Variants in FER observed in about 807,000 individuals in gnomAD.
The protein encoded by FER is tyrosine-protein kinase Fer.
FER carries 63 observed loss-of-function variants against 111.0 expected under a neutral mutation model. The observed-to-expected ratio is 0.57, with a 90% confidence interval of 0.46 to 0.70. FER has a LOEUF of 0.70. FER is among the 30% of genes least tolerant of loss of function. FER has a pLI of 0.00. For synonymous variants in FER, 327 were observed against 313.9 expected (o/e 1.04, Z -0.44); for missense variants, 914 against 954.0 (o/e 0.96, Z 0.55).
rs901846415 is a variant in FER, at chr5:108,938,039, C to G, written c.1237-8091C>G. Among the ~76,000 whole-genome samples, 9 of 111,186 alleles carry G rather than the reference C, an allele frequency of 8.1e-5. No individual in the cohort carries two copies. The East Asian group carries it at 1.4e-3, about 17-fold the overall frequency. 72.9% of individuals were successfully genotyped at this position (111,186 alleles called of 152,430 possible). A position where few individuals can be genotyped will look rare whatever the true frequency, so the allele number is the denominator to read the frequency against. ...CCTATCTCTCTCTCACACACACACACACACACACACACACACACACACACA... is the reference window on the plus strand; with the variant it reads ...CCTATCTCTCTCTCACACACACACAGACACACACACACACACACACACACA... On this transcript the variant is annotated intron_variant, in intron 10 of 19. Transcript: ENST00000281092.
At chr5:109,030,693 A>C (rs893222420) in intron 13 of FER, among the ~76,000 whole-genome samples, 1 of 152,026 alleles carries the variant, frequency 6.6e-6, no homozygotes, top group Non-Finnish European at 1.5e-5. Flanking sequence ...TGTTTGGTAG[A>C]CTTCTCCTGC....
intron 17 of FER, among the ~76,000 whole-genome samples, chr5:109,125,216 A>G (rs1751559184): frequency 6.6e-6 from 1 of 152,058 alleles, no homozygotes; most frequent in African/African-American, 2.4e-5. Flanking sequence ...TTATATACAT[A>G]CATTAGAACT....
At chr5:108,792,136 T>G (rs1755447543) in intron 2 of FER, among the ~76,000 whole-genome samples, 1 of 152,252 alleles carries the variant, frequency 6.6e-6, no homozygotes, top group African/African-American at 2.4e-5. Flanking sequence ...ACTTCGTGCC[T>G]CTTTTCAAGT....
At chr5:108,920,919 C>G (rs1752936442) in intron 10 of FER, among the ~76,000 whole-genome samples, 1 of 152,112 alleles carries the variant, frequency 6.6e-6, no homozygotes, top group Non-Finnish European at 1.5e-5. Flanking sequence ...TTATTTCCTA[C>G]CAGTCCTCAT....
intron 13 of FER, among the ~76,000 whole-genome samples, chr5:109,019,962 A>G (rs536019429): frequency 6.6e-6 from 1 of 152,014 alleles, no homozygotes; most frequent in Non-Finnish European, 1.5e-5. Context: ...GTACTTTGCA[A>G]TTTGTTTCTT....
At chr5:109,060,551 G>A (rs1004574013) in intron 16 of FER, among the ~76,000 whole-genome samples, 12 of 152,184 alleles carry the variant, frequency 7.9e-5, no homozygotes, top group Middle Eastern at 6.8e-3. Context: ...GGGCGTGGTG[G>A]TGTGTGCCTG....
chr5:108,930,087 T>G (rs904542890), intron 10 of FER, among the ~76,000 whole-genome samples: 20 of 152,132 alleles, frequency 1.3e-4, no homozygotes, highest in African/African-American at 4.3e-4. Context: ...TTTGTTTGAA[T>G]CTATGTATGA....
intron 13 of FER, among the ~76,000 whole-genome samples, chr5:108,967,101 G>A (rs1399229407): frequency 6.6e-6 from 1 of 152,106 alleles, no homozygotes; most frequent in South Asian, 2.1e-4. Context: ...GCAACAGGTG[G>A]CCTGCTCACT....
At chr5:108,986,282 T>C (rs953558873) in intron 13 of FER, among the ~76,000 whole-genome samples, 1 of 148,536 alleles carries the variant, frequency 6.7e-6, no homozygotes, top group Non-Finnish European at 1.5e-5. Flanking sequence ...TTTTGCTGGG[T>C]TTTTTTCTTC....
chr5:108,962,400 A>G (rs756883967), intron 13 of FER, among the ~76,000 whole-genome samples: 1 of 152,224 alleles, frequency 6.6e-6, no homozygotes, highest in Admixed American at 6.5e-5. Context: ...TCTGACTACC[A>G]TGTATAAAAT....
intron 10 of FER, among the ~76,000 whole-genome samples, chr5:108,923,026 A>T (rs1360585600): frequency 6.6e-6 from 1 of 152,136 alleles, no homozygotes; most frequent in Admixed American, 6.5e-5. Flanking sequence ...GGCAAGTTAA[A>T]CTTTCTGTAC....
In FER at chr5:109,193,905, T is replaced by C. The variant is rs1759552987; in HGVS notation, c.*6330T>C. 1 of 151,636 alleles carries C rather than the reference T, an allele frequency of 6.6e-6. No homozygotes were observed. The highest frequency in any genetic ancestry group is 2.4e-5 in the African/African-American group (1 of 40,926). The allele number at this position is 151,636 out of a possible 1,614,324, so 9.4% of individuals were successfully genotyped here. ...ACTCAGTATGTGATAAGCCCCATGA[T>C]GGATGCAGGTTAGAATTCAAAGACC... On this transcript the variant is annotated 3_prime_UTR_variant, in exon 20 of 20. Transcript: ENST00000281092.
At chr5:108,895,929 AT>A (rs935113325) in intron 9 of FER, among the ~76,000 whole-genome samples, 3 of 151,644 alleles carry the variant, frequency 2.0e-5, no homozygotes, top group Admixed American at 6.6e-5. Context: ...ATTCTTTTAA[AT>A]TTTTTTTATT....
chr5:109,092,480 A>T (rs565800987), intron 16 of FER, among the ~76,000 whole-genome samples: 1 of 152,134 alleles, frequency 6.6e-6, no homozygotes, highest in Non-Finnish European at 1.5e-5. Context: ...TCCAAGGAAG[A>T]TATACACATA....
chr5:108,932,366 G>A lies in FER; in HGVS notation c.1237-13764G>A, dbSNP rs545335084. Among the ~76,000 whole-genome samples, 7 of 152,114 alleles carry A rather than the reference G, an allele frequency of 4.6e-5. No homozygotes were observed. In the South Asian group the frequency reaches 1.0e-3, roughly 23 times the overall value. ...AGACATGAACTCATCTTTTTTTATGGCAGCATAGTATTCCATGGTGTGCAT... is the reference window on the plus strand; with the variant it reads ...AGACATGAACTCATCTTTTTTTATGACAGCATAGTATTCCATGGTGTGCAT... On this transcript the variant is annotated intron_variant, in intron 10 of 19. Transcript: ENST00000281092.
intron 8 of FER, among the ~76,000 whole-genome samples, chr5:108,874,766 G>T (rs1764922498): frequency 6.6e-6 from 1 of 151,878 alleles, no homozygotes; most frequent in East Asian, 1.9e-4. Context: ...CCTGGAAAAA[G>T]AAATACAAAT....
chr5:109,182,342 G>T (rs1758370809), intron 18 of FER, among the ~76,000 whole-genome samples: 1 of 152,154 alleles, frequency 6.6e-6, no homozygotes, highest in Non-Finnish European at 1.5e-5. Context: ...CAGCGTGTCA[G>T]CAAGAGAGGT....
At chr5:108,945,714 G>C (rs867654251) in intron 10 of FER, among the ~76,000 whole-genome samples, 50 of 151,138 alleles carry the variant, frequency 3.3e-4, no homozygotes, top group African/African-American at 1.2e-3. Flanking sequence ...TTTTTTTTGT[G>C]ATTATTTTTT....
intron 16 of FER, among the ~76,000 whole-genome samples, chr5:109,062,640 T>C (rs181305869): frequency 1.3e-5 from 2 of 152,120 alleles, no homozygotes; most frequent in Admixed American, 1.3e-4. Context: ...CAATGAAAGA[T>C]GCCGTGATGA....
Sources: allele counts gnomAD v4.1 joint callset (sites outside exome capture counted in the v4.1 genomes callset), GRCh38; gene constraint gnomAD v4.1.1; transcripts MANE v1.5; gene names NCBI Gene and HGNC (gene_info 2026-07-23, HGNC 2026-07-21).